FRMD4A: variants seen among roughly 807,000 people sequenced by gnomAD.
FRMD4A encodes the protein FERM domain containing 4A.
A neutral mutation model predicts 129.1 loss-of-function variants in FRMD4A; 29 were observed. That is an observed-to-expected ratio of 0.22 (90% CI 0.17 to 0.31). The LOEUF is 0.31. FRMD4A is among the 10% of genes least tolerant of loss of function. FRMD4A has a pLI of 1.00. For missense variants in FRMD4A, 1,272 were observed against 1,375.8 expected (o/e 0.92, Z 1.19); for synonymous variants, 634 against 571.6 (o/e 1.11, Z -1.56).
chr10:14,230,622 T>C (rs552399286), intron 2 of FRMD4A, among the ~76,000 whole-genome samples: 1 of 152,336 alleles, frequency 6.6e-6, no homozygotes, highest in South Asian at 2.1e-4. Context: ...TTTATTGTGA[T>C]TTTTTTCTTT....
intron 8 of FRMD4A, among the ~76,000 whole-genome samples, chr10:13,750,113 A>AAAGAAAGAAAGAAAGAAATG (rs1564739449): frequency 0.011 from 1,221 of 107,564 alleles, 18 homozygotes; most frequent in Non-Finnish European, 0.016. Context: ...AGAAATGAAG[A>AAAGAAAGAAAGAAAGAAATG]AAGAAAGAAA....
chr10:13,911,222 A>G (rs1039296758), intron 2 of FRMD4A, among the ~76,000 whole-genome samples: 2 of 152,238 alleles, frequency 1.3e-5, no homozygotes, highest in Admixed American at 6.5e-5. Flanking sequence ...CTACCAGGGC[A>G]AAAGAAAGCT....
chr10:14,040,526 T>C, intron 2 of FRMD4A, among the ~76,000 whole-genome samples: 1 of 152,240 alleles, frequency 6.6e-6, no homozygotes, highest in East Asian at 1.9e-4. Flanking sequence ...TCTTTAACTC[T>C]GGGAGGAGTG....
Position 14,101,296 on chromosome 10 carries a change from GA to G in FRMD4A, c.45+228761del, listed in dbSNP as rs1837287581. On this transcript the variant is annotated intron_variant, in intron 2 of 24. Transcript: ENST00000357447. ...TACAGTGATCCTTCCTGCGGGCAAT[GA>G]AACTCACAGAATTGGTCTGCAATAA... 3.9e-5 allele frequency among the ~76,000 whole-genome samples: 6 copies of G among 152,292 alleles called. No homozygotes were observed. The South Asian group carries it at 1.2e-3, about 32-fold the overall frequency.
intron 2 of FRMD4A, among the ~76,000 whole-genome samples, chr10:14,099,448 C>G (rs1454377643): frequency 6.6e-6 from 1 of 152,188 alleles, no homozygotes; most frequent in Non-Finnish European, 1.5e-5. Context: ...GCATAGCCAT[C>G]CCTCGGGGTA....
chr10:13,714,885 A>G (rs1435105386), intron 12 of FRMD4A, among the ~76,000 whole-genome samples: 2 of 151,470 alleles, frequency 1.3e-5, no homozygotes, highest in African/African-American at 4.9e-5. Flanking sequence ...TAAAAATACA[A>G]AAAATTAGCT....
At chr10:13,840,237 A>T (rs912651234) in intron 3 of FRMD4A, among the ~76,000 whole-genome samples, 1 of 152,086 alleles carries the variant, frequency 6.6e-6, no homozygotes, top group South Asian at 2.1e-4. Flanking sequence ...CTGAGTCCTT[A>T]TAGGACTGGG....
chr10:14,062,922 G>A (rs1834881764), intron 2 of FRMD4A, among the ~76,000 whole-genome samples: 1 of 152,188 alleles, frequency 6.6e-6, no homozygotes. Flanking sequence ...CACACCAGTT[G>A]TCATTTTATT....
intron 2 of FRMD4A, among the ~76,000 whole-genome samples, chr10:14,277,949 G>T (rs560530284): frequency 6.6e-6 from 1 of 152,110 alleles, no homozygotes; most frequent in Non-Finnish European, 1.5e-5. Context: ...TGAGGGAGTG[G>T]GCCATGCCTT....
chr10:13,928,453 C>T (rs2095159232), intron 2 of FRMD4A, among the ~76,000 whole-genome samples: 1 of 151,878 alleles, frequency 6.6e-6, no homozygotes. Context: ...ATTATTTACA[C>T]AAGTATTTGG....
intron 2 of FRMD4A, among the ~76,000 whole-genome samples, chr10:13,966,926 G>A (rs890584266): frequency 1.3e-5 from 2 of 152,226 alleles, no homozygotes; most frequent in South Asian, 4.1e-4. Flanking sequence ...CATTCTCAGC[G>A]ATCTGGATGA....
chr10:13,943,376 G>C (rs535453850), intron 2 of FRMD4A, among the ~76,000 whole-genome samples: 1 of 152,008 alleles, frequency 6.6e-6, no homozygotes, highest in South Asian at 2.1e-4. Flanking sequence ...TCGGCCAGGT[G>C]CGGTGATTCA....
intron 2 of FRMD4A, among the ~76,000 whole-genome samples, chr10:14,072,544 G>A (rs944692331): frequency 1.3e-5 from 2 of 152,192 alleles, no homozygotes; most frequent in Non-Finnish European, 2.9e-5. Context: ...ACCACAAGAA[G>A]CAAGCCACCA....
intron 2 of FRMD4A, among the ~76,000 whole-genome samples, chr10:13,928,163 G>C (rs181806386): frequency 7.0e-4 from 106 of 151,920 alleles, no homozygotes; most frequent in African/African-American, 2.2e-3. Context: ...TGGGACTATA[G>C]GTGCATTTCA....
At chr10:14,205,940 G>T (rs939455047) in intron 2 of FRMD4A, among the ~76,000 whole-genome samples, 1 of 151,900 alleles carries the variant, frequency 6.6e-6, no homozygotes, top group South Asian at 2.1e-4. Context: ...CCTTCTCGTC[G>T]TGGTATGAGC....
At chr10:14,007,135 C>A (rs1045399480) in intron 2 of FRMD4A, 1 of 152,012 alleles carries the variant, frequency 6.6e-6, no homozygotes, top group African/African-American at 2.4e-5. Context: ...TAAGATGCTG[C>A]GGATAGCTGA....
intron 2 of FRMD4A, among the ~76,000 whole-genome samples, chr10:14,070,051 T>C (rs766666804): frequency 6.6e-6 from 1 of 152,192 alleles, no homozygotes; most frequent in Admixed American, 6.5e-5. Flanking sequence ...ATACAGCACA[T>C]TGCTGCATGT....
chr10:14,326,332 T>C (rs1191573177), intron 2 of FRMD4A: 1 of 152,180 alleles, frequency 6.6e-6, no homozygotes, highest in African/African-American at 2.4e-5. Context: ...GTCCTAGAAG[T>C]CAAATTGTTG....
At chr10:13,654,288 A>G in intron 23 of FRMD4A, 128 bp downstream of exon 23, 2 of 726,864 alleles carry the variant, frequency 2.8e-6, no homozygotes, top group Non-Finnish European at 5.0e-6. Flanking sequence ...CTTCTCTTGA[A>G]AGGAAGACAC....
Sources: allele counts gnomAD v4.1 joint callset (sites outside exome capture counted in the v4.1 genomes callset), GRCh38; gene constraint gnomAD v4.1.1; transcripts MANE v1.5; gene names NCBI Gene and HGNC (gene_info 2026-07-23, HGNC 2026-07-21).